Variants in POU6F2 observed in about 807,000 individuals in gnomAD.
POU6F2 encodes the protein POU class 6 homeobox 2, also known as POU domain, class 6, transcription factor 2.
In POU6F2, 31 loss-of-function variants were observed where a neutral mutation model predicts 71.3. The ratio of observed to expected loss-of-function variants is 0.43; its 90% CI spans 0.33 to 0.59. The LOEUF is 0.59. Among genes scored for constraint, POU6F2 ranks in the 20% least tolerant of loss-of-function variants. The pLI, the probability that POU6F2 is intolerant of heterozygous loss-of-function variation, is 0.04. For synonymous variants in POU6F2, 347 were observed against 355.7 expected, an observed-to-expected ratio of 0.98 and a Z score of 0.27; for missense variants, 783 against 856.8, an observed-to-expected ratio of 0.91 and a Z score of 1.07.
At chr7:39,099,674 T>C (rs543542987) in intron 2 of POU6F2, among the ~76,000 whole-genome samples, 1 of 152,316 alleles carries the variant, frequency 6.6e-6, no homozygotes, top group African/African-American at 2.4e-5. Flanking sequence ...TATGTCTCCG[T>C]TTCCTCTTCT....
chr7:39,222,791 C>T (rs1170778091), intron 4 of POU6F2, among the ~76,000 whole-genome samples: 4 of 152,196 alleles, frequency 2.6e-5, no homozygotes, highest in Non-Finnish European at 5.9e-5. Context: ...AGCTACTCAT[C>T]TGTGGAATGG....
At chr7:39,452,301 A>G (rs1788681020) in intron 8 of POU6F2, among the ~76,000 whole-genome samples, 1 of 152,194 alleles carries the variant, frequency 6.6e-6, no homozygotes, top group African/African-American at 2.4e-5. Flanking sequence ...TAGCCTATAT[A>G]TATGTATATA....
At chr7:39,306,739 T>C (rs887289623) in intron 4 of POU6F2, among the ~76,000 whole-genome samples, 7 of 152,236 alleles carry the variant, frequency 4.6e-5, no homozygotes, top group African/African-American at 1.7e-4. Context: ...GGACTTTCTT[T>C]CCAAATAAAA....
chr7:38,977,968 C>A lies in POU6F2; in HGVS notation c.15C>A (p.Asn5Lys), dbSNP rs1788223414. The change falls in exon 1 of 10, where the codon AAC becomes AAA. Residue 5 changes from asparagine (N) to lysine (K), a missense_variant. Transcript: ENST00000518318. MHAR[N>K]PHSPFQRQHM... ...TTGATTGACAGATGCATGCCAGAAA[C>A]CCCCATTCTCCTTTTCAAAGACAAC... The A allele has an allele frequency of 2.6e-5, 4 of 152,132 alleles. No homozygotes were observed. The highest frequency in any genetic ancestry group is 2.6e-4 in the Admixed American group (4 of 15,248). 9.4% of individuals were successfully genotyped at this position (152,132 alleles called of 1,614,324 possible). A position where few individuals can be genotyped will look rare whatever the true frequency, so the allele number is the denominator to read the frequency against.
intron 7 of POU6F2, among the ~76,000 whole-genome samples, chr7:39,441,397 T>G (rs1334523612): frequency 6.6e-6 from 1 of 151,910 alleles, no homozygotes; most frequent in East Asian, 1.9e-4. Context: ...ATGAGTACAT[T>G]TGTTGTAGCT....
chr7:39,466,658 A>C lies in POU6F2; in HGVS notation c.*1972A>C, dbSNP rs1349394884. The C allele has an allele frequency of 6.6e-6, 1 of 152,198 alleles. No homozygotes were observed. The highest frequency in any genetic ancestry group is 6.5e-5 in the Admixed American group (1 of 15,282). The allele number at this position is 152,198 out of a possible 1,614,324, so 9.4% of individuals were successfully genotyped here. A position where few individuals can be genotyped will look rare whatever the true frequency, so the allele number is the denominator to read the frequency against. Reference sequence around the variant, plus strand: ...CTGTTGGCTCCTTTGCTGTTTGTGTAAATGCTACAGTATAATTGTCCCCTC... The same window carrying C: ...CTGTTGGCTCCTTTGCTGTTTGTGTCAATGCTACAGTATAATTGTCCCCTC... On this transcript the variant is annotated 3_prime_UTR_variant, in exon 10 of 10. Transcript: ENST00000518318.
intron 4 of POU6F2, among the ~76,000 whole-genome samples, chr7:39,211,996 A>C (rs1179835875): frequency 6.7e-6 from 1 of 148,968 alleles, no homozygotes; most frequent in Admixed American, 6.6e-5. Context: ...CTCTGTCTCC[A>C]TCATCTTTAT....
chr7:39,395,001 A>G (rs1238434883), intron 5 of POU6F2, among the ~76,000 whole-genome samples: 1 of 152,104 alleles, frequency 6.6e-6, no homozygotes, highest in Non-Finnish European at 1.5e-5. Context: ...TTCTGTGTGC[A>G]GTTACCCCCA....
At chr7:39,160,199 TG>T (rs1251085720) in intron 2 of POU6F2, among the ~76,000 whole-genome samples, 1 of 152,196 alleles carries the variant, frequency 6.6e-6, no homozygotes, top group Non-Finnish European at 1.5e-5. Context: ...GAACACTTAC[TG>T]AATGCTAGTT....
At chr7:39,150,640 G>A (rs926313956) in intron 2 of POU6F2, among the ~76,000 whole-genome samples, 4 of 151,136 alleles carry the variant, frequency 2.6e-5, no homozygotes, top group African/African-American at 9.7e-5. Flanking sequence ...CTTATTTTTT[G>A]TATTTTTAGT....
chr7:39,062,556 C>T (rs1463822504), intron 1 of POU6F2, among the ~76,000 whole-genome samples: 2 of 150,724 alleles, frequency 1.3e-5, no homozygotes, highest in African/African-American at 4.9e-5. Flanking sequence ...GTGGGCCTGG[C>T]TGCAAGTAGA....
chr7:39,021,069 T>C (rs1361583439), intron 1 of POU6F2, among the ~76,000 whole-genome samples: 1 of 151,890 alleles, frequency 6.6e-6, no homozygotes, highest in Non-Finnish European at 1.5e-5. Flanking sequence ...TAATTCCTTC[T>C]GTTAATTATG....
At chr7:39,065,559 A>T (rs946904616) in intron 1 of POU6F2, among the ~76,000 whole-genome samples, 3 of 151,544 alleles carry the variant, frequency 2.0e-5, no homozygotes, top group African/African-American at 7.2e-5. Context: ...TAAAATAAAT[A>T]TTTGCTAAAT....
At chr7:39,051,660 G>T (rs769533029) in intron 1 of POU6F2, among the ~76,000 whole-genome samples, 2 of 152,068 alleles carry the variant, frequency 1.3e-5, no homozygotes, top group Non-Finnish European at 2.9e-5. Context: ...TTACTCAGGT[G>T]TAGCTATTCC....
At chr7:39,377,806 A>G (rs1473344877) in intron 5 of POU6F2, among the ~76,000 whole-genome samples, 1 of 152,210 alleles carries the variant, frequency 6.6e-6, no homozygotes, top group East Asian at 1.9e-4. Context: ...AAAGAGTTGT[A>G]AAAAAGCAAG....
chr7:39,267,876 T>G (rs1020161715), intron 4 of POU6F2, among the ~76,000 whole-genome samples: 15 of 152,162 alleles, frequency 9.9e-5, no homozygotes, highest in Admixed American at 5.9e-4. Flanking sequence ...AGTATTTAAT[T>G]TATTCATACT....
At chr7:39,063,748 A>T (rs1471032594) in intron 1 of POU6F2, among the ~76,000 whole-genome samples, 2 of 151,016 alleles carry the variant, frequency 1.3e-5, no homozygotes, top group East Asian at 3.9e-4. Context: ...AAAAAGAAAC[A>T]ATAATTTTAT....
intron 5 of POU6F2, among the ~76,000 whole-genome samples, chr7:39,392,681 A>T (rs1787097139): frequency 6.6e-6 from 1 of 152,194 alleles, no homozygotes; most frequent in Non-Finnish European, 1.5e-5. Flanking sequence ...AGAACCACGG[A>T]TGTAGTTCAA....
intron 2 of POU6F2, among the ~76,000 whole-genome samples, chr7:39,159,021 A>G (rs1049324912): frequency 5.9e-5 from 9 of 151,830 alleles, no homozygotes; most frequent in Non-Finnish European, 1.3e-4. Flanking sequence ...ACAATTAAAA[A>G]AAAAAAATTA....
Sources: allele counts gnomAD v4.1 joint callset (sites outside exome capture counted in the v4.1 genomes callset), GRCh38; gene constraint gnomAD v4.1.1; transcripts MANE v1.5; gene names NCBI Gene and HGNC (gene_info 2026-07-23, HGNC 2026-07-21).